Variants in ZBTB20 observed in about 807,000 individuals in gnomAD.
ZBTB20 encodes the protein zinc finger and BTB domain containing 20.
A neutral mutation model predicts 56.9 loss-of-function variants in ZBTB20; 9 were observed. The ratio of observed to expected loss-of-function variants is 0.16; its 90% CI spans 0.10 to 0.28. The LOEUF is 0.28. ZBTB20 is among the 10% of genes least tolerant of loss of function. The probability of loss-of-function intolerance (pLI) is 1.00; values close to 1 mark genes in which losing one functional copy is unlikely to be tolerated. For missense variants in ZBTB20, 655 were observed against 1,003.0 expected (o/e 0.65, Z 4.69); for synonymous variants, 417 against 420.7 (o/e 0.99, Z 0.11).
chr3:114,886,274 C>T (rs1160090118), intron 4 of ZBTB20, among the ~76,000 whole-genome samples: 1 of 152,200 alleles, frequency 6.6e-6, no homozygotes, highest in Non-Finnish European at 1.5e-5. Context: ...TGGGCTTGCT[C>T]TTTTAATCTA....
At chr3:115,112,101 C>T (rs947110194) in intron 1 of ZBTB20, among the ~76,000 whole-genome samples, 7 of 152,162 alleles carry the variant, frequency 4.6e-5, no homozygotes, top group African/African-American at 1.7e-4. Context: ...TAGATTATTA[C>T]TAAAATTTTA....
At chr3:114,888,896 T>C (rs1262999131) in intron 4 of ZBTB20, among the ~76,000 whole-genome samples, 1 of 152,160 alleles carries the variant, frequency 6.6e-6, no homozygotes, top group African/African-American at 2.4e-5. Flanking sequence ...TGCATATTTT[T>C]ATGTACTTAC....
Position 114,439,662 on chromosome 3 carries a change from C to T in ZBTB20, c.-254-50557G>A, listed in dbSNP as rs370117790. 2.6e-5 allele frequency among the ~76,000 whole-genome samples: 4 copies of T among 152,144 alleles called. 1 individual carries two copies. In the East Asian group the frequency reaches 5.8e-4, roughly 22 times the overall value. On this transcript the variant is annotated intron_variant, in intron 7 of 11. Coordinates refer to ENST00000675478, the MANE Select transcript of ZBTB20 (RefSeq NM_001348800.3). ...GCCTCTTTTCCAATGACCTTAGGGA[C>T]TTTATATATACTTAGCCTACTTCTT...
At chr3:114,845,430 C>T (rs2074651472) in intron 4 of ZBTB20, among the ~76,000 whole-genome samples, 1 of 150,252 alleles carries the variant, frequency 6.7e-6, no homozygotes, top group South Asian at 2.1e-4. Context: ...TAGAGACAAT[C>T]CTTTCTTCCC....
chr3:114,604,703 A>G (rs2057014179), intron 6 of ZBTB20, among the ~76,000 whole-genome samples: 1 of 152,044 alleles, frequency 6.6e-6, no homozygotes, highest in African/African-American at 2.4e-5. Flanking sequence ...TTTGGTCCAA[A>G]TGGCGTCTTT....
intron 3 of ZBTB20, chr3:114,930,654 G>A (rs182967103): frequency 1.5e-4 from 26 of 169,320 alleles, no homozygotes; most frequent in African/African-American, 5.5e-4. Context: ...GCCTGCTGAT[G>A]GGGATAAGAT....
intron 6 of ZBTB20, among the ~76,000 whole-genome samples, chr3:114,682,198 T>A (rs1362574472): frequency 6.6e-6 from 1 of 152,082 alleles, no homozygotes; most frequent in Non-Finnish European, 1.5e-5. Flanking sequence ...GTAGAAACAG[T>A]GTTCACAGTG....
intron 5 of ZBTB20, chr3:114,791,686 G>C (rs1237596941): frequency 6.6e-6 from 1 of 152,160 alleles, no homozygotes; most frequent in African/African-American, 2.4e-5. Context: ...TGAAATTTTA[G>C]CAAAGGTTAG....
At chr3:114,518,924 G>A (rs2046334821) in intron 6 of ZBTB20, 1 of 152,172 alleles carries the variant, frequency 6.6e-6, no homozygotes, top group Admixed American at 6.5e-5. Flanking sequence ...GGACAGCCCT[G>A]TTCCACAGAG....
intron 7 of ZBTB20, among the ~76,000 whole-genome samples, chr3:114,499,721 A>G (rs1001272094): frequency 1.3e-5 from 2 of 152,076 alleles, no homozygotes; most frequent in Non-Finnish European, 2.9e-5. Context: ...TTTTTTTCAT[A>G]TAAAATCGTG....
At chr3:115,066,586 T>C (rs895221503) in intron 2 of ZBTB20, among the ~76,000 whole-genome samples, 4 of 152,152 alleles carry the variant, frequency 2.6e-5, no homozygotes, top group African/African-American at 9.7e-5. Flanking sequence ...GAAGTGCTTT[T>C]TCTCAATAGA....
At chr3:114,345,419 T>C (rs72948685) in intron 11 of ZBTB20, among the ~76,000 whole-genome samples, 2,205 of 152,342 alleles carry the variant, frequency 0.014, 50 homozygotes, top group African/African-American at 0.05. Flanking sequence ...CCTATGTAAT[T>C]TGGAAGACTC....
At chr3:114,372,289 C>T (rs938281739) in intron 10 of ZBTB20, among the ~76,000 whole-genome samples, 3 of 152,068 alleles carry the variant, frequency 2.0e-5, no homozygotes, top group Non-Finnish European at 2.9e-5. Flanking sequence ...AGAACAGAAC[C>T]GTGAAAATCA....
At chr3:114,514,899 C>G (rs1032520712) in intron 6 of ZBTB20, among the ~76,000 whole-genome samples, 1 of 152,186 alleles carries the variant, frequency 6.6e-6, no homozygotes, top group South Asian at 2.1e-4. Context: ...AAGTTTATTG[C>G]CATTGACCCA....
intron 6 of ZBTB20, among the ~76,000 whole-genome samples, chr3:114,594,084 C>T (rs966659245): frequency 3.3e-5 from 5 of 152,002 alleles, no homozygotes; most frequent in Non-Finnish European, 7.4e-5. Context: ...AAAGTATATA[C>T]TAAAGAAAGC....
At chr3:114,392,404 C>T (rs1329357693) in intron 7 of ZBTB20, among the ~76,000 whole-genome samples, 2 of 152,122 alleles carry the variant, frequency 1.3e-5, no homozygotes, top group African/African-American at 2.4e-5. Flanking sequence ...AATATATACA[C>T]CTACTATGTA....
At chr3:114,412,548 A>T (rs1234469467) in intron 7 of ZBTB20, among the ~76,000 whole-genome samples, 1 of 152,270 alleles carries the variant, frequency 6.6e-6, no homozygotes, top group South Asian at 2.1e-4. Flanking sequence ...CTAACTCCAC[A>T]GTAGGTTGCC....
In ZBTB20 at chr3:114,407,929, T is replaced by G. The variant is rs192610064; in HGVS notation, c.-254-18824A>C. On this transcript the variant is annotated intron_variant, in intron 7 of 11. Transcript: ENST00000675478. ...CTATATGAGGGGGGGGAAACATCTT[T>G]AACTACTTTAACATACACACATCTG... Among the ~76,000 whole-genome samples, 112 of 152,222 alleles carry G rather than the reference T, an allele frequency of 7.4e-4. 1 individual carries two copies. The East Asian group carries it at 0.019, about 26-fold the overall frequency.
At chr3:115,083,052 T>C (rs1410281342) in intron 1 of ZBTB20, among the ~76,000 whole-genome samples, 1 of 152,036 alleles carries the variant, frequency 6.6e-6, no homozygotes, top group East Asian at 1.9e-4. Flanking sequence ...GAGCCATTAA[T>C]ACCTACAATG....
Sources: allele counts gnomAD v4.1 joint callset (sites outside exome capture counted in the v4.1 genomes callset), GRCh38; gene constraint gnomAD v4.1.1; transcripts MANE v1.5; gene names NCBI Gene and HGNC (gene_info 2026-07-23, HGNC 2026-07-21).